The following TENM2 variants were observed in gnomAD, a reference collection of about 807,000 sequenced individuals.
The protein encoded by TENM2 is teneurin transmembrane protein 2.
In TENM2, 52 loss-of-function variants were observed where a neutral mutation model predicts 245.2. The ratio of observed to expected loss-of-function variants is 0.21; its 90% CI spans 0.17 to 0.27. TENM2 has a LOEUF of 0.27. Ranked by LOEUF, TENM2 falls within the 10% of genes least tolerant of loss-of-function variation. The pLI is 1.00. For missense variants in TENM2, 3,046 were observed against 3,666.8 expected (o/e 0.83, Z 4.37); for synonymous variants, 1,363 against 1,438.9 (o/e 0.95, Z 1.19).
At chr5:167,627,467 C>G (rs564578620) in intron 2 of TENM2, among the ~76,000 whole-genome samples, 36 of 152,110 alleles carry the variant, frequency 2.4e-4, no homozygotes, top group African/African-American at 7.2e-4. Context: ...CTCAAGATAT[C>G]TAGGATGTAT....
exon 10 of TENM2, chr5:168,118,374 G>T: frequency 6.2e-7 from 1 of 1,611,900 alleles, no homozygotes; most frequent in Non-Finnish European, 8.5e-7. Flanking sequence ...AAGGTGCAGA[G>T]TGCGACGTGC....
chr5:167,370,191 A>C (rs939952011), intron 1 of TENM2, among the ~76,000 whole-genome samples: 12 of 151,910 alleles, frequency 7.9e-5, no homozygotes, highest in African/African-American at 2.9e-4. Context: ...AAATACAAAA[A>C]ATTAGCTGGG....
the TENM2 span, among the ~76,000 whole-genome samples, chr5:167,036,592 A>G: frequency 1.3e-5 from 2 of 152,184 alleles, no homozygotes; most frequent in Admixed American, 1.3e-4. Flanking sequence ...ACTATATTCT[A>G]TTGAGATGCA....
At chr5:167,438,560 T>G (rs556582820) in intron 2 of TENM2, among the ~76,000 whole-genome samples, 1 of 151,556 alleles carries the variant, frequency 6.6e-6, no homozygotes, top group African/African-American at 2.4e-5. Context: ...CCTGGCTAAT[T>G]TTTTTCTTTG....
At chr5:167,538,724 C>A (rs1056104988) in intron 2 of TENM2, among the ~76,000 whole-genome samples, 2 of 152,178 alleles carry the variant, frequency 1.3e-5, no homozygotes, top group Non-Finnish European at 2.9e-5. Context: ...AGATGACCTT[C>A]TCCTCTCATT....
chr5:167,813,630 C>A (rs779690638), intron 2 of TENM2, among the ~76,000 whole-genome samples: 2 of 152,178 alleles, frequency 1.3e-5, no homozygotes, highest in African/African-American at 4.8e-5. Context: ...CAAATTGAAG[C>A]CTTCAACCAC....
intron 2 of TENM2, among the ~76,000 whole-genome samples, chr5:167,499,840 G>C (rs1353502983): frequency 1.5e-5 from 2 of 132,536 alleles, no homozygotes; most frequent in Non-Finnish European, 3.1e-5. Flanking sequence ...GTGTATGTGA[G>C]GGTGTATGTG....
chr5:167,104,734 A>G, the TENM2 span, among the ~76,000 whole-genome samples: 2 of 152,196 alleles, frequency 1.3e-5, no homozygotes, highest in Admixed American at 6.5e-5. Flanking sequence ...AGAAGAAGTC[A>G]TATACCTTGG....
chr5:167,208,001 G>A, the TENM2 span, among the ~76,000 whole-genome samples: 1 of 152,298 alleles, frequency 6.6e-6, no homozygotes, highest in Admixed American at 6.5e-5. Context: ...TGATCTACCT[G>A]CCTCAGCCTC....
chr5:167,396,215 C>T (rs1273205303), intron 2 of TENM2, among the ~76,000 whole-genome samples: 1 of 151,966 alleles, frequency 6.6e-6, no homozygotes, highest in Non-Finnish European at 1.5e-5. Flanking sequence ...ACTTAAATGT[C>T]CATCAGTGTA....
intron 2 of TENM2, among the ~76,000 whole-genome samples, chr5:167,846,995 C>T (rs1311435502): frequency 6.6e-6 from 1 of 152,162 alleles, no homozygotes; most frequent in South Asian, 2.1e-4. Flanking sequence ...CTCATTCTGT[C>T]ACACAGGCTG....
chr5:167,431,970 T>TGTGTATATATATATATATATCC (rs1554150945), intron 2 of TENM2, among the ~76,000 whole-genome samples: 1 of 135,528 alleles, frequency 7.4e-6, no homozygotes, highest in African/African-American at 2.9e-5. Flanking sequence ...TGTATATATA[T>TGTGTATATATATATATATATCC]ATATATATGG....
At chr5:167,010,862 A>T in the TENM2 span, among the ~76,000 whole-genome samples, 1 of 152,220 alleles carries the variant, frequency 6.6e-6, no homozygotes, top group Non-Finnish European at 1.5e-5. Context: ...ACAATAGAAG[A>T]TGATCAACAA....
intron 3 of TENM2, among the ~76,000 whole-genome samples, chr5:167,884,663 A>T (rs1011301483): frequency 4.6e-5 from 7 of 152,180 alleles, no homozygotes; most frequent in Non-Finnish European, 1.5e-5. Context: ...CCCTTACTAG[A>T]CACTTCGGTG....
the TENM2 span, among the ~76,000 whole-genome samples, chr5:167,023,910 T>C: frequency 2.0e-5 from 3 of 152,152 alleles, no homozygotes; most frequent in Non-Finnish European, 4.4e-5. Context: ...ACTTTACTTA[T>C]AAAAGCAAAT....
chr5:168,177,231 G>A (rs10516044), intron 13 of TENM2, among the ~76,000 whole-genome samples: 8 of 152,212 alleles, frequency 5.3e-5, no homozygotes, highest in African/African-American at 1.9e-4. Context: ...CCTTAGTCAA[G>A]TAACTGACCC....
chr5:168,151,021 G>A (rs1756602726), intron 12 of TENM2, among the ~76,000 whole-genome samples: 1 of 152,152 alleles, frequency 6.6e-6, no homozygotes, highest in Non-Finnish European at 1.5e-5. Context: ...CCTCTGTCAA[G>A]CCGGACACTC....
chr5:167,031,573 G>GT, the TENM2 span, among the ~76,000 whole-genome samples: 8 of 151,916 alleles, frequency 5.3e-5, no homozygotes, highest in South Asian at 2.1e-4. Context: ...CATATTTGAG[G>GT]TTTTTTTTGA....
At chr5:167,820,135 A>G (rs745377593) in intron 2 of TENM2, among the ~76,000 whole-genome samples, 6 of 151,866 alleles carry the variant, frequency 4.0e-5, no homozygotes, top group Non-Finnish European at 8.8e-5. Flanking sequence ...CCCTGGGCTC[A>G]TTTGCTGTGG....
Sources: allele counts gnomAD v4.1 joint callset (sites outside exome capture counted in the v4.1 genomes callset), GRCh38; gene constraint gnomAD v4.1.1; transcripts MANE v1.5; gene names NCBI Gene and HGNC (gene_info 2026-07-23, HGNC 2026-07-21).